The following RARB variants were observed in gnomAD, a reference collection of about 807,000 sequenced individuals.
RARB encodes retinoic acid receptor beta.
A neutral mutation model predicts 51.9 loss-of-function variants in RARB; 17 were observed. The observed-to-expected ratio is 0.33, with a 90% CI of 0.22 to 0.49. The LOEUF is 0.49. Ranked by LOEUF, RARB falls within the 20% of genes least tolerant of loss-of-function variation. The pLI is 0.99. For missense variants in RARB, 369 were observed against 550.8 expected (o/e 0.67, Z 3.30); for synonymous variants, 215 against 195.4 (o/e 1.10, Z -0.84).
intron 2 of RARB, among the ~76,000 whole-genome samples, chr3:25,483,530 T>C (rs1325997283): frequency 1.5e-4 from 11 of 74,042 alleles, no homozygotes; most frequent in South Asian, 3.9e-4. Context: ...ATTTCTTCTT[T>C]TTTTTTTTTT....
chr3:25,186,885 CTGTGTGTGTGTGTGTGTG>C (rs71057702), intron 5 of RARB, among the ~76,000 whole-genome samples: 33 of 114,218 alleles, frequency 2.9e-4, no homozygotes, highest in South Asian at 7.0e-4. Context: ...AAAGGTAAGC[CTGTGTGTGTGTGTGTGTG>C]TGTGTGTGTG....
At chr3:25,135,970 C>T (rs557610531) in intron 4 of RARB, among the ~76,000 whole-genome samples, 1 of 152,008 alleles carries the variant, frequency 6.6e-6, no homozygotes, top group East Asian at 1.9e-4. Flanking sequence ...AAATGTTATA[C>T]AAGAAGATGT....
chr3:24,886,098 C>A lies in RARB; in HGVS notation c.-380+27346C>A, dbSNP rs1045911404. 7.2e-5 allele frequency among the ~76,000 whole-genome samples: 11 copies of A among 152,158 alleles called. No homozygotes were observed. The East Asian group carries it at 1.9e-3, about 27-fold the overall frequency. ...CTTCCTTTTTCCATATCAGCTCAAG[C>A]CCCTAGGTCTCTGTAGAATATTCCC... On this transcript the variant is annotated intron_variant, in intron 2 of 11. Coordinates refer to the RARB transcript ENST00000383772.
chr3:25,248,627 A>G (rs1237172661), intron 5 of RARB, among the ~76,000 whole-genome samples: 2 of 152,102 alleles, frequency 1.3e-5, no homozygotes, highest in Non-Finnish European at 2.9e-5. Flanking sequence ...TTACAGGACA[A>G]TACTAGTGGT....
At chr3:25,349,433 T>C (rs1321877315) in intron 5 of RARB, among the ~76,000 whole-genome samples, 1 of 152,164 alleles carries the variant, frequency 6.6e-6, no homozygotes, top group Non-Finnish European at 1.5e-5. Context: ...CTAACTGAGG[T>C]CAATTCTAGT....
At chr3:25,450,346 T>C (rs1709138697) in intron 1 of RARB, among the ~76,000 whole-genome samples, 1 of 152,176 alleles carries the variant, frequency 6.6e-6, no homozygotes, top group Non-Finnish European at 1.5e-5. Flanking sequence ...TTTTTATACT[T>C]TTTATAGTTT....
At chr3:24,894,134 C>A (rs1004327804) in intron 2 of RARB, among the ~76,000 whole-genome samples, 3 of 152,070 alleles carry the variant, frequency 2.0e-5, no homozygotes, top group Non-Finnish European at 2.9e-5. Context: ...CGACTTTTCT[C>A]ACAGATTAAA....
chr3:25,221,843 A>T lies in RARB; in HGVS notation c.178+47268A>T, dbSNP rs141604952. Among the ~76,000 whole-genome samples, 29 of 152,262 alleles carry T rather than the reference A, an allele frequency of 1.9e-4. No homozygotes were observed. In the East Asian group the frequency reaches 5.2e-3, roughly 27 times the overall value. On this transcript the variant is annotated intron_variant, in intron 5 of 11. Transcript: ENST00000383772. ...TTCCAGAGTGTCTTCTCATCTTGAGACTGTGCATCCTGTTTGAACATTTCC... is the reference window on the plus strand; with the variant it reads ...TTCCAGAGTGTCTTCTCATCTTGAGTCTGTGCATCCTGTTTGAACATTTCC...
chr3:25,422,513 C>T (rs571632708), intron 5 of RARB, among the ~76,000 whole-genome samples: 35 of 151,918 alleles, frequency 2.3e-4, no homozygotes, highest in African/African-American at 8.0e-4. Flanking sequence ...GTGGGGTGTT[C>T]GTGGAAATAA....
intron 3 of RARB, among the ~76,000 whole-genome samples, chr3:25,073,843 T>A (rs1603979): frequency 0.013 from 1,957 of 152,004 alleles, 41 homozygotes; most frequent in African/African-American, 0.045. Context: ...TTTTTTTTTT[T>A]ATCAACTATC....
At chr3:25,502,823 G>T (rs1697385283) in intron 3 of RARB, among the ~76,000 whole-genome samples, 1 of 152,194 alleles carries the variant, frequency 6.6e-6, no homozygotes, top group Admixed American at 6.5e-5. Flanking sequence ...GACAAAGCAT[G>T]CACTGTAGAT....
intron 5 of RARB, among the ~76,000 whole-genome samples, chr3:25,391,029 A>C (rs74593305): frequency 6.6e-6 from 1 of 151,994 alleles, no homozygotes; most frequent in South Asian, 2.1e-4. Context: ...GCAATGTGAA[A>C]TCTTTCATCC....
intron 2 of RARB, among the ~76,000 whole-genome samples, chr3:24,950,759 T>C (rs557322508): frequency 2.7e-5 from 4 of 150,088 alleles, no homozygotes; most frequent in South Asian, 4.2e-4. Flanking sequence ...GAGGATATCA[T>C]ATAAATATTA....
chr3:25,433,920 G>A (rs1708311609), intron 1 of RARB, among the ~76,000 whole-genome samples: 1 of 152,170 alleles, frequency 6.6e-6, no homozygotes, highest in African/African-American at 2.4e-5. Context: ...TAAGTCTACT[G>A]GCATTTTGTC....
chr3:24,939,035 T>A (rs981599724), intron 2 of RARB, among the ~76,000 whole-genome samples: 5 of 151,826 alleles, frequency 3.3e-5, no homozygotes, highest in African/African-American at 1.2e-4. Flanking sequence ...CAAGCTAGAG[T>A]GCATTGACGT....
At chr3:25,145,701 T>C (rs1700177141) in intron 4 of RARB, among the ~76,000 whole-genome samples, 1 of 152,062 alleles carries the variant, frequency 6.6e-6, no homozygotes, top group Non-Finnish European at 1.5e-5. Flanking sequence ...TTGCTCTTCT[T>C]ATACCTTGTC....
At chr3:25,175,873 G>C (rs957759076) in intron 5 of RARB, among the ~76,000 whole-genome samples, 3 of 152,048 alleles carry the variant, frequency 2.0e-5, no homozygotes, top group African/African-American at 7.3e-5. Context: ...CAGCCAAAGC[G>C]GCGTATTGAC....
At chr3:24,946,426 T>C (rs139705697) in intron 2 of RARB, among the ~76,000 whole-genome samples, 9 of 149,440 alleles carry the variant, frequency 6.0e-5, no homozygotes, top group African/African-American at 2.2e-4. Context: ...TGGTGGGAAG[T>C]TGGAGACAGC....
chr3:25,313,244 C>A (rs1180921686), intron 5 of RARB, among the ~76,000 whole-genome samples: 1 of 152,104 alleles, frequency 6.6e-6, no homozygotes, highest in Non-Finnish European at 1.5e-5. Context: ...CTGGCTACTC[C>A]AATCAAATGT....
Sources: gnomAD v4.1 joint callset for allele counts (sites outside exome capture counted in the v4.1 genomes callset) on GRCh38, gnomAD v4.1.1 for gene constraint, MANE v1.5 for transcripts, NCBI Gene and HGNC (gene_info 2026-07-23, HGNC 2026-07-21) for gene names.